The following PLPPR1 variants were observed in gnomAD, a reference collection of about 807,000 sequenced individuals.
PLPPR1 encodes phospholipid phosphatase-related protein type 1.
Under a neutral mutation model 33.1 loss-of-function variants are expected in PLPPR1, and 10 were observed. The observed-to-expected ratio is 0.30, with a 90% confidence interval of 0.19 to 0.51. The LOEUF (loss-of-function observed/expected upper bound fraction) is 0.51, where lower values mean the gene tolerates loss of function less well. PLPPR1 is among the 20% of genes least tolerant of loss of function. The probability of loss-of-function intolerance (pLI) is 0.97; values close to 1 mark genes in which losing one functional copy is unlikely to be tolerated. For synonymous variants in PLPPR1, 151 were observed against 151.0 expected (o/e 1.00, Z 0.00); for missense variants, 304 against 408.1 (o/e 0.74, Z 2.20).
intron 2 of PLPPR1, among the ~76,000 whole-genome samples, chr9:101,203,353 C>T (rs1318940586): frequency 1.3e-5 from 2 of 152,008 alleles, no homozygotes; most frequent in Admixed American, 1.3e-4. Flanking sequence ...TAAGCAGAGA[C>T]CTTAGGGGGG....
At chr9:101,037,190 A>G (rs1289683907) in intron 1 of PLPPR1, among the ~76,000 whole-genome samples, 3 of 152,102 alleles carry the variant, frequency 2.0e-5, no homozygotes, top group African/African-American at 7.2e-5. Context: ...TTCATCAATA[A>G]CAGGGAGAAG....
intron 1 of PLPPR1, among the ~76,000 whole-genome samples, chr9:101,088,220 G>A (rs1017914341): frequency 6.6e-6 from 1 of 152,114 alleles, no homozygotes; most frequent in African/African-American, 2.4e-5. Context: ...GATGGAAAGT[G>A]ACTTTGAGGA....
intron 2 of PLPPR1, among the ~76,000 whole-genome samples, chr9:101,204,603 T>G (rs1174212298): frequency 1.3e-5 from 2 of 152,168 alleles, no homozygotes; most frequent in Non-Finnish European, 2.9e-5. Flanking sequence ...GCTTGGCTAC[T>G]GTGTGCACTT....
intron 4 of PLPPR1, among the ~76,000 whole-genome samples, chr9:101,289,591 C>G (rs1214275285): frequency 6.6e-6 from 1 of 152,222 alleles, no homozygotes; most frequent in Non-Finnish European, 1.5e-5. Context: ...TTCCCCCATA[C>G]TGTTCTCATG....
intron 3 of PLPPR1, among the ~76,000 whole-genome samples, chr9:101,278,573 C>T (rs959293157): frequency 2.6e-5 from 4 of 152,198 alleles, no homozygotes; most frequent in Non-Finnish European, 4.4e-5. Flanking sequence ...ACACCATCCA[C>T]TTGGGGGAAA....
chr9:101,181,577 C>T (rs962569537), intron 1 of PLPPR1, among the ~76,000 whole-genome samples: 3 of 150,072 alleles, frequency 2.0e-5, no homozygotes, highest in Non-Finnish European at 3.0e-5. Flanking sequence ...TGTCAATTAT[C>T]AATGAATGGA....
At chr9:101,077,516 C>A (rs1025276833) in intron 1 of PLPPR1, among the ~76,000 whole-genome samples, 15 of 152,128 alleles carry the variant, frequency 9.9e-5, no homozygotes, top group African/African-American at 3.6e-4. Flanking sequence ...TTACCTGAAG[C>A]CTGTAACTGA....
chr9:101,136,906 T>C (rs925651653), intron 1 of PLPPR1, among the ~76,000 whole-genome samples: 7 of 152,176 alleles, frequency 4.6e-5, no homozygotes, highest in Admixed American at 4.6e-4. Flanking sequence ...TATTTGTTAG[T>C]ACAACAGAGT....
chr9:101,038,141 A>G (rs1325977491), intron 1 of PLPPR1, among the ~76,000 whole-genome samples: 1 of 152,102 alleles, frequency 6.6e-6, no homozygotes, highest in Non-Finnish European at 1.5e-5. Context: ...ATTTTTATAA[A>G]GGTAGGATTA....
chr9:101,197,193 G>A (rs1000607208), intron 2 of PLPPR1, among the ~76,000 whole-genome samples: 1 of 152,082 alleles, frequency 6.6e-6, no homozygotes, highest in East Asian at 1.9e-4. Context: ...TTGGTCACGC[G>A]TATCTGTTTC....
At chr9:101,152,829 G>A (rs568825666) in intron 1 of PLPPR1, among the ~76,000 whole-genome samples, 1 of 152,278 alleles carries the variant, frequency 6.6e-6, no homozygotes, top group East Asian at 1.9e-4. Context: ...AAGTCAGGTA[G>A]CGTGTTGCCT....
At position 101,324,067 on chromosome 9, in the gene PLPPR1, T is replaced by G; in HGVS notation, c.*10T>G. 1 of 1,610,262 alleles carries G rather than the reference T, an allele frequency of 6.2e-7. No individual in the cohort carries two copies. The highest frequency in any genetic ancestry group is 8.5e-7 in the Non-Finnish European group (1 of 1,176,784). ...GACCGAAGTTACCTGAGACGACTGA[T>G]GTGTCACAAGCTGTTTTTTAAAATC... On this transcript the variant is annotated 3_prime_UTR_variant, in exon 8 of 8. Coordinates refer to ENST00000374874, the MANE Select transcript of PLPPR1 (RefSeq NM_207299.2).
chr9:101,268,480 G>A (rs1184198053), intron 2 of PLPPR1, among the ~76,000 whole-genome samples: 1 of 152,068 alleles, frequency 6.6e-6, no homozygotes, highest in African/African-American at 2.4e-5. Flanking sequence ...GCCTCTCTGT[G>A]CTAGAGTTTA....
chr9:101,225,413 C>A (rs1210229663), intron 2 of PLPPR1, among the ~76,000 whole-genome samples: 4 of 152,114 alleles, frequency 2.6e-5, no homozygotes, highest in Non-Finnish European at 5.9e-5. Context: ...GAGAGCCATG[C>A]CTCACCTCTC....
At chr9:101,317,776 T>C (rs999050827) in intron 7 of PLPPR1, among the ~76,000 whole-genome samples, 1 of 152,158 alleles carries the variant, frequency 6.6e-6, no homozygotes, top group African/African-American at 2.4e-5. Flanking sequence ...TAATATCACA[T>C]TCATGAAATT....
At chr9:101,183,729 C>T (rs1357415941) in intron 1 of PLPPR1, among the ~76,000 whole-genome samples, 1 of 149,282 alleles carries the variant, frequency 6.7e-6, no homozygotes, top group East Asian at 2.0e-4. Context: ...GTGTGTGTAG[C>T]CATATACATA....
chr9:101,296,881 T>G (rs1346042587), intron 4 of PLPPR1, among the ~76,000 whole-genome samples: 2 of 151,942 alleles, frequency 1.3e-5, no homozygotes, highest in Non-Finnish European at 2.9e-5. Context: ...CACCAGCATG[T>G]CACATGTATA....
At chr9:101,140,656 T>C (rs556465905) in intron 1 of PLPPR1, among the ~76,000 whole-genome samples, 3 of 152,244 alleles carry the variant, frequency 2.0e-5, no homozygotes, top group African/African-American at 7.2e-5. Context: ...CAGAAGCCAG[T>C]AAAATTGTTA....
intron 2 of PLPPR1, among the ~76,000 whole-genome samples, chr9:101,209,719 G>A (rs577318833): frequency 1.4e-4 from 21 of 152,310 alleles, no homozygotes; most frequent in African/African-American, 4.1e-4. Flanking sequence ...TCAATGTCAA[G>A]GAATCTGACT....
Sources: allele counts gnomAD v4.1 joint callset (sites outside exome capture counted in the v4.1 genomes callset), GRCh38; gene constraint gnomAD v4.1.1; transcripts MANE v1.5; gene names NCBI Gene and HGNC (gene_info 2026-07-23, HGNC 2026-07-21).